GRID2: variants seen among roughly 807,000 people sequenced by gnomAD.
GRID2 encodes glutamate receptor ionotropic, delta-2.
Under a neutral mutation model 114.8 loss-of-function variants are expected in GRID2, and 33 were observed. The ratio of observed to expected loss-of-function variants is 0.29; its 90% CI spans 0.22 to 0.38. The LOEUF (loss-of-function observed/expected upper bound fraction) is 0.38. GRID2 is among the 10% of genes least tolerant of loss of function. GRID2 has a pLI of 1.00. For synonymous variants in GRID2, 505 were observed against 449.9 expected, an observed-to-expected ratio of 1.12 and a Z score of -1.55; for missense variants, 1,184 against 1,257.7, an observed-to-expected ratio of 0.94 and a Z score of 0.89.
At chr4:93,760,093 T>G (rs2110307653) in intron 14 of GRID2, among the ~76,000 whole-genome samples, 1 of 152,216 alleles carries the variant, frequency 6.6e-6, no homozygotes, top group African/African-American at 2.4e-5. Context: ...CTAAAGGCTG[T>G]TACAAGAGTA....
chr4:92,466,043 A>G (rs1295088687), intron 1 of GRID2, among the ~76,000 whole-genome samples: 1 of 151,728 alleles, frequency 6.6e-6, no homozygotes, highest in Admixed American at 6.6e-5. Flanking sequence ...GGGGGTACAT[A>G]CCAATGTTTA....
At chr4:92,432,475 C>G (rs1732509868) in intron 1 of GRID2, among the ~76,000 whole-genome samples, 1 of 152,106 alleles carries the variant, frequency 6.6e-6, no homozygotes, top group African/African-American at 2.4e-5. Context: ...GGCTTTCCCA[C>G]TCTTTCCTCT....
intron 1 of GRID2, among the ~76,000 whole-genome samples, chr4:92,541,258 A>G (rs750785643): frequency 2.0e-5 from 3 of 152,020 alleles, no homozygotes; most frequent in Non-Finnish European, 4.4e-5. Context: ...AAACCTGCAC[A>G]TTGTGCACAT....
intron 1 of GRID2, among the ~76,000 whole-genome samples, chr4:92,446,814 A>G (rs62312219): frequency 0.33 from 50,303 of 152,098 alleles, 8,772 homozygotes; most frequent in African/African-American, 0.44. Context: ...ATATCATGCA[A>G]AGAATATCTG....
Position 92,560,139 on chromosome 4 carries a change from C to T in GRID2, c.89-29992C>T, listed in dbSNP as rs532270404. Among the ~76,000 whole-genome samples the T allele has an allele frequency of 2.6e-5, 4 of 152,240 alleles. No homozygotes were observed. The East Asian group carries it at 7.8e-4, about 30-fold the overall frequency. On this transcript the variant is annotated intron_variant, in intron 1 of 15. Coordinates refer to ENST00000282020, the MANE Select transcript of GRID2 (RefSeq NM_001510.4). Reference sequence around the variant, plus strand: ...CATATTCCATAATCCAAAATGGTGCCTTCTTGAGGAAGGATAAATGTGGAG... The same window carrying T: ...CATATTCCATAATCCAAAATGGTGCTTTCTTGAGGAAGGATAAATGTGGAG...
At chr4:92,528,122 A>T (rs922273561) in intron 1 of GRID2, among the ~76,000 whole-genome samples, 2 of 151,992 alleles carry the variant, frequency 1.3e-5, no homozygotes, top group African/African-American at 4.8e-5. Context: ...AGATAGCATC[A>T]TCAAAATTAC....
chr4:93,177,897 G>C (rs1466826874), intron 4 of GRID2, among the ~76,000 whole-genome samples: 1 of 151,692 alleles, frequency 6.6e-6, no homozygotes, highest in Non-Finnish European at 1.5e-5. Context: ...ATGCTATACA[G>C]TCATTTACCC....
chr4:92,591,668 T>C (rs1728711590), intron 2 of GRID2, among the ~76,000 whole-genome samples: 1 of 152,182 alleles, frequency 6.6e-6, no homozygotes, highest in Non-Finnish European at 1.5e-5. Flanking sequence ...GTAACATTTA[T>C]TGAAATATAT....
Position 92,600,044 on chromosome 4 carries a change from G to GAAA in GRID2, c.244+9758_244+9759insAAA, listed in dbSNP as rs1553905577. Among the ~76,000 whole-genome samples, 320 of 54,426 alleles carry GAAA rather than the reference G, an allele frequency of 5.9e-3. 5 individuals are homozygous for GAAA. The highest frequency in any genetic ancestry group is 0.01 in the African/African-American group (148 of 14,702). 35.7% of individuals were successfully genotyped at this position (54,426 alleles called of 152,430 possible). On this transcript the variant is annotated intron_variant, in intron 2 of 15. Transcript: ENST00000282020. ...CATGTATGTGTGTGTGTGTGTGTGT[G>GAAA]TATATATATATATATATATATATAT...
intron 1 of GRID2, among the ~76,000 whole-genome samples, chr4:92,572,082 A>G (rs1158366427): frequency 6.6e-6 from 1 of 152,034 alleles, no homozygotes; most frequent in Non-Finnish European, 1.5e-5. Flanking sequence ...TCAAAAAATT[A>G]ATGAATCCAG....
chr4:93,120,877 C>T (rs993596032), intron 4 of GRID2, among the ~76,000 whole-genome samples: 1 of 152,000 alleles, frequency 6.6e-6, no homozygotes, highest in Non-Finnish European at 1.5e-5. Flanking sequence ...GGTGTGAACC[C>T]GGGAGGTGGA....
At chr4:92,840,751 C>T in intron 2 of GRID2, among the ~76,000 whole-genome samples, 1 of 151,936 alleles carries the variant, frequency 6.6e-6, no homozygotes, top group South Asian at 2.1e-4. Context: ...TTAGCCTTGC[C>T]CTCACCAGTA....
At chr4:93,452,803 A>G (rs1722807631) in intron 10 of GRID2, among the ~76,000 whole-genome samples, 1 of 152,096 alleles carries the variant, frequency 6.6e-6, no homozygotes, top group African/African-American at 2.4e-5. Context: ...GTAAGAATAA[A>G]TAATTGTCTT....
intron 1 of GRID2, among the ~76,000 whole-genome samples, chr4:92,428,682 T>G (rs1441757300): frequency 1.3e-5 from 2 of 152,168 alleles, no homozygotes; most frequent in Non-Finnish European, 2.9e-5. Context: ...ATTTTAGAAA[T>G]TAAACACATG....
chr4:92,962,858 T>C lies in GRID2; in HGVS notation c.245-122137T>C, dbSNP rs529441256. Among the ~76,000 whole-genome samples the C allele has an allele frequency of 2.0e-3, 308 of 152,052 alleles. 3 individuals carry two copies. Among genetic ancestry groups the C allele is most frequent in the Non-Finnish European group, 2.5e-3 (167 of 67,914 alleles). ...AGCCCAGCAATAGTTCCCACAGAGG[T>C]TTCTGGTCCAGTAAGTTGCAATTCT... On this transcript the variant is annotated intron_variant, in intron 2 of 15. Transcript: ENST00000282020.
intron 13 of GRID2, among the ~76,000 whole-genome samples, chr4:93,524,306 A>G (rs1285085585): frequency 1.3e-5 from 2 of 152,118 alleles, no homozygotes; most frequent in Non-Finnish European, 2.9e-5. Flanking sequence ...CAACAAATAC[A>G]TGATTCACTT....
At chr4:93,021,604 ATAT>A in intron 2 of GRID2, among the ~76,000 whole-genome samples, 1 of 145,264 alleles carries the variant, frequency 6.9e-6, no homozygotes, top group African/African-American at 2.5e-5. Flanking sequence ...TTAATCTTAT[ATAT>A]TATTTATATA....
intron 13 of GRID2, among the ~76,000 whole-genome samples, chr4:93,614,596 T>C (rs137883474): frequency 2.4e-3 from 372 of 152,272 alleles, no homozygotes; most frequent in African/African-American, 8.4e-3. Flanking sequence ...CAAAATGCTA[T>C]ATAAACAACA....
In GRID2 at chr4:92,382,745, T is replaced by C. The variant is rs1171183275; in HGVS notation, c.88+78001T>C. Among the ~76,000 whole-genome samples, 4 of 151,994 alleles carry C rather than the reference T, an allele frequency of 2.6e-5. No individual in the cohort carries two copies. The Admixed American group carries it at 2.6e-4, about 10-fold the overall frequency. On this transcript the variant is annotated intron_variant, in intron 1 of 15. Coordinates refer to ENST00000282020, the MANE Select transcript of GRID2 (RefSeq NM_001510.4). Reference sequence around the variant, plus strand: ...CAATATGAGTATGCTAGTGTTCAAATATATATTTTATGTGTAGAAAATAGC... The same window carrying C: ...CAATATGAGTATGCTAGTGTTCAAACATATATTTTATGTGTAGAAAATAGC...
Sources: gnomAD v4.1 joint callset for allele counts (sites outside exome capture counted in the v4.1 genomes callset) on GRCh38, gnomAD v4.1.1 for gene constraint, MANE v1.5 for transcripts, NCBI Gene and HGNC (gene_info 2026-07-23, HGNC 2026-07-21) for gene names.